The following VPS41 variants were observed in gnomAD, a reference collection of about 807,000 sequenced individuals.
VPS41 encodes the protein vacuolar protein sorting-associated protein 41 homolog.
A neutral mutation model predicts 130.9 loss-of-function variants in VPS41; 85 were observed. That is an observed-to-expected ratio of 0.65 (90% confidence interval 0.55 to 0.78). The LOEUF (loss-of-function observed/expected upper bound fraction) is 0.78. Ranked by LOEUF, VPS41 falls within the 30% of genes least tolerant of loss-of-function variation. The pLI, the probability that VPS41 is intolerant of heterozygous loss-of-function variation, is 0.00. For missense variants in VPS41, 874 were observed against 1,018.7 expected, an observed-to-expected ratio of 0.86 and a Z score of 1.93; for synonymous variants, 335 against 332.9, an observed-to-expected ratio of 1.01 and a Z score of -0.07.
intron 8 of VPS41, among the ~76,000 whole-genome samples, chr7:38,796,245 A>T (rs1784616466): frequency 6.6e-6 from 1 of 152,226 alleles, no homozygotes; most frequent in African/African-American, 2.4e-5. Context: ...CATTTTTAAA[A>T]CTTCCTACTA....
Position 38,792,874 on chromosome 7 carries a change from A to G in VPS41, c.717+2591T>C, listed in dbSNP as rs376431259. 2.2e-4 allele frequency among the ~76,000 whole-genome samples: 34 copies of G among 152,034 alleles called. 1 individual carries two copies. The highest frequency in any genetic ancestry group is 8.2e-4 in the African/African-American group (34 of 41,456). ...CCACATCTGCTCCACTCACTCTGAC[A>G]CAAACAGCTTCCTTGCTGTTCCTCA... On this transcript the variant is annotated intron_variant, in intron 9 of 28. Transcript: ENST00000310301.
At position 38,723,885 on chromosome 7, in the gene VPS41, T is replaced by C. The variant is rs998503014; in HGVS notation, c.*2361A>G. ...TAATTGACTAACACTTGGATTATTT[T>C]GCCATATTTAAGCCCTTATAGGTTG... is the stretch of plus-strand genomic sequence containing the variant. On this transcript the variant is annotated 3_prime_UTR_variant, in exon 29 of 29. Coordinates refer to ENST00000310301, the MANE Select transcript of VPS41 (RefSeq NM_014396.4). 6.6e-6 allele frequency: 1 copy of C among 152,164 alleles called. No homozygotes were observed. Among genetic ancestry groups the C allele is most frequent in the Non-Finnish European group, 1.5e-5 (1 of 68,026 alleles). The allele number at this position is 152,164 out of a possible 1,614,324, so 9.4% of individuals were successfully genotyped here.
chr7:38,899,587 C>T lies in VPS41; in HGVS notation c.22-1458G>A, dbSNP rs77248765. On this transcript the variant is annotated intron_variant, in intron 1 of 28. Transcript: ENST00000310301. ...TCACTATTCTGACTTCTTTACTGAA[C>T]ATCTATTATAAACTGCTCATTATGT... is the stretch of plus-strand genomic sequence containing the variant. 5.3e-5 allele frequency among the ~76,000 whole-genome samples: 8 copies of T among 152,310 alleles called. No homozygotes were observed. In the East Asian group the frequency reaches 1.5e-3, roughly 29 times the overall value.
At chr7:38,768,721 G>T (rs1331988490) in intron 14 of VPS41, among the ~76,000 whole-genome samples, 2 of 152,178 alleles carry the variant, frequency 1.3e-5, no homozygotes, top group Non-Finnish European at 2.9e-5. Context: ...GAGAAAGAAT[G>T]TCTCCTTTTC....
chr7:38,743,294 G>A (rs1795920497), intron 24 of VPS41, 108 bp downstream of exon 24: 11 of 1,249,392 alleles, frequency 8.8e-6, no homozygotes, highest in African/African-American at 3.0e-5. Flanking sequence ...TTGTAGGTAC[G>A]CTACCATTTT....
intron 4 of VPS41, among the ~76,000 whole-genome samples, chr7:38,837,761 T>C (rs1253977060): frequency 6.6e-6 from 1 of 152,238 alleles, no homozygotes; most frequent in Non-Finnish European, 1.5e-5. Flanking sequence ...ATATCACCTA[T>C]GTGACTGGAA....
chr7:38,783,799 A>C (rs1211327413), intron 10 of VPS41, among the ~76,000 whole-genome samples: 5 of 152,192 alleles, frequency 3.3e-5, no homozygotes, highest in African/African-American at 9.6e-5. Context: ...AAAAATCAAA[A>C]TTTGTTTAAA....
intron 4 of VPS41, among the ~76,000 whole-genome samples, chr7:38,835,581 T>C (rs968969217): frequency 6.6e-6 from 1 of 151,994 alleles, no homozygotes; most frequent in African/African-American, 2.4e-5. Flanking sequence ...AATATCTATT[T>C]TTAGAAATTT....
Position 38,745,600 on chromosome 7 carries a change from C to T in VPS41, c.1940G>A (p.Cys647Tyr). The T allele has an allele frequency of 6.2e-7, 1 of 1,605,932 alleles. No homozygotes were observed. The highest frequency in any genetic ancestry group is 2.2e-5 in the East Asian group (1 of 44,610). The change falls in exon 23 of 29, where the codon TGT becomes TAT. Residue 647 changes from cysteine (C) to tyrosine (Y), a missense_variant. Cys to Tyr is a radical substitution (Grantham distance 194). Coordinates refer to ENST00000310301, the MANE Select transcript of VPS41 (RefSeq NM_014396.4). ...HCPLEKALEI[C>Y]QQRNFVEETV... ...CTCTTCTACAAAGTTTCTCTGTTGA[C>T]AGATCTCAAGAGCCTTCAATTAAAG...
At chr7:38,867,756 A>G (rs6960945) in intron 3 of VPS41, among the ~76,000 whole-genome samples, 136,518 of 152,102 alleles carry the variant, frequency 0.9, 61,329 homozygotes, top group East Asian at 0.99. Context: ...ATAATTCAGA[A>G]CAATTTTTAG....
chr7:38,893,791 T>A (rs1786916713), intron 2 of VPS41, among the ~76,000 whole-genome samples: 1 of 152,258 alleles, frequency 6.6e-6, no homozygotes, highest in African/African-American at 2.4e-5. Flanking sequence ...AAGTTTTAAA[T>A]ATTGACATGT....
chr7:38,785,549 T>C, intron 10 of VPS41, among the ~76,000 whole-genome samples: 1 of 152,170 alleles, frequency 6.6e-6, no homozygotes, highest in East Asian at 1.9e-4. Context: ...AATTTTAGTC[T>C]CCTGAAACAG....
At chr7:38,838,710 T>C (rs1028995854) in intron 4 of VPS41, among the ~76,000 whole-genome samples, 1 of 152,152 alleles carries the variant, frequency 6.6e-6, no homozygotes, top group African/African-American at 2.4e-5. Context: ...GGTCTCAAGT[T>C]CTTAAATTTA....
chr7:38,726,166 G>T lies in VPS41; in HGVS notation c.*80C>A. ...ACATAAACAAATCTCTTAACAGCACGAGTGTCAACAAATGCTTTTGTTGTT... is the reference window on the plus strand; with the variant it reads ...ACATAAACAAATCTCTTAACAGCACTAGTGTCAACAAATGCTTTTGTTGTT... On this transcript the variant is annotated 3_prime_UTR_variant, in exon 29 of 29. Coordinates refer to ENST00000310301, the MANE Select transcript of VPS41 (RefSeq NM_014396.4). 1.1e-6 allele frequency: 1 copy of T among 901,984 alleles called. No individual in the cohort carries two copies. The highest frequency in any genetic ancestry group is 1.4e-5 in the South Asian group (1 of 73,642). 55.9% of individuals were successfully genotyped at this position (901,984 alleles called of 1,614,324 possible).
intron 7 of VPS41, among the ~76,000 whole-genome samples, chr7:38,813,813 T>C (rs542339964): frequency 2.0e-4 from 31 of 152,172 alleles, no homozygotes; most frequent in African/African-American, 7.2e-4. Context: ...TCATGTTATA[T>C]ACATATAAAC....
At chr7:38,735,674 G>A (rs2115587728) in intron 25 of VPS41, among the ~76,000 whole-genome samples, 1 of 152,282 alleles carries the variant, frequency 6.6e-6, no homozygotes, top group African/African-American at 2.4e-5. Flanking sequence ...GAGACCAAAT[G>A]GAGGCCCTGT....
chr7:38,731,036 G>A (rs895980955), intron 25 of VPS41, among the ~76,000 whole-genome samples: 1 of 152,204 alleles, frequency 6.6e-6, no homozygotes, highest in Non-Finnish European at 1.5e-5. Flanking sequence ...GAGGCAAACA[G>A]CCAGGAGAGG....
At chr7:38,764,697 T>C (rs774392254) in intron 16 of VPS41, among the ~76,000 whole-genome samples, 5 of 152,148 alleles carry the variant, frequency 3.3e-5, no homozygotes, top group East Asian at 1.9e-4. Flanking sequence ...AACAGTGGCT[T>C]TGAGCTAATA....
At chr7:38,811,144 T>A (rs575969969) in intron 7 of VPS41, among the ~76,000 whole-genome samples, 35 of 152,206 alleles carry the variant, frequency 2.3e-4, no homozygotes, top group African/African-American at 8.2e-4. Context: ...TATTTCTTAA[T>A]GAAATTAGAA....
Sources: allele counts gnomAD v4.1 joint callset (sites outside exome capture counted in the v4.1 genomes callset), GRCh38; gene constraint gnomAD v4.1.1; transcripts MANE v1.5; gene names NCBI Gene and HGNC (gene_info 2026-07-23, HGNC 2026-07-21).